PIWIL1: variants seen among roughly 807,000 people sequenced by gnomAD.
PIWIL1 encodes the protein piwi like RNA-mediated gene silencing 1.
Under a neutral mutation model 114.4 loss-of-function variants are expected in PIWIL1, and 73 were observed. That is an observed-to-expected ratio of 0.64 (90% CI 0.53 to 0.78). The LOEUF is 0.78. Ranked by LOEUF, PIWIL1 falls within the 30% of genes least tolerant of loss-of-function variation. The probability of loss-of-function intolerance (pLI) is 0.00; values close to 1 mark genes in which losing one functional copy is unlikely to be tolerated. For missense variants in PIWIL1, 723 were observed against 1,063.1 expected, an observed-to-expected ratio of 0.68 and a Z score of 4.45; for synonymous variants, 375 against 369.0, an observed-to-expected ratio of 1.02 and a Z score of -0.19.
At chr12:130,368,232 G>A (rs1349608028) in intron 19 of PIWIL1, among the ~76,000 whole-genome samples, 1 of 152,184 alleles carries the variant, frequency 6.6e-6, no homozygotes, top group Non-Finnish European at 1.5e-5. Flanking sequence ...CGAATCGTTG[G>A]GAGGACTTCT....
downstream of PIWIL1, among the ~76,000 whole-genome samples, chr12:130,374,362 T>C (rs187564852): frequency 6.6e-6 from 1 of 152,364 alleles, no homozygotes; most frequent in East Asian, 1.9e-4. Context: ...GTTTGTGTAA[T>C]TGGTATTGTC....
At chr12:130,422,659 A>T in the PIWIL1 span, 2 of 819,092 alleles carry the variant, frequency 2.4e-6, no homozygotes, top group Admixed American at 2.3e-5. The surrounding 1 kb of genome is among the most constrained non-coding windows in gnomAD (Gnocchi z 5.2). Context: ...CAGAATCTGT[A>T]AAGGCAACTA....
chr12:130,409,677 T>C, the PIWIL1 span, among the ~76,000 whole-genome samples: 21 of 152,252 alleles, frequency 1.4e-4, no homozygotes, highest in Admixed American at 2.6e-4. Flanking sequence ...TTCTTTCATC[T>C]GGATGACGCC....
chr12:130,361,474 A>G (rs1389196940), intron 15 of PIWIL1, 24 bp from the exon 16 acceptor site: 55 of 1,612,386 alleles, frequency 3.4e-5, no homozygotes, highest in Non-Finnish European at 4.5e-5. Context: ...CATTGTATCT[A>G]AAATTACCAT....
chr12:130,375,401 ACACCAC>A (rs908257521), downstream of PIWIL1, among the ~76,000 whole-genome samples: 1 of 152,016 alleles, frequency 6.6e-6, no homozygotes, highest in Admixed American at 6.6e-5. Flanking sequence ...TTGTCTCCTT[ACACCAC>A]CACCACCACC....
chr12:130,373,901 A>G (rs1643280728), downstream of PIWIL1, among the ~76,000 whole-genome samples: 1 of 152,170 alleles, frequency 6.6e-6, no homozygotes, highest in South Asian at 2.1e-4. Context: ...ACTCCGTGAA[A>G]TCCCAATTTC....
downstream of PIWIL1, among the ~76,000 whole-genome samples, chr12:130,376,199 C>G (rs1357970775): frequency 6.6e-6 from 1 of 152,192 alleles, no homozygotes; most frequent in Non-Finnish European, 1.5e-5. Flanking sequence ...ACTTCTTGGT[C>G]TCGGAACTGC....
Position 130,349,381 on chromosome 12 carries a change from C to G in PIWIL1, c.877C>G (p.His293Asp). Residue 293 changes from histidine (H) to aspartate (D), a missense_variant, in exon 8 of 21, where the codon CAT becomes GAT. Coordinates refer to ENST00000245255, the MANE Select transcript of PIWIL1 (RefSeq NM_004764.5). ...CAACTTTTATCATCAGACAGAAGAA[C>G]ATAAATTTCAAGAACAAGTTTCCAA... ...MFNFYHQTEEHKFQEQVSKEL... is the reference protein window; with the variant it reads ...MFNFYHQTEEDKFQEQVSKEL... 1.9e-6 allele frequency: 3 copies of G among 1,613,566 alleles called. No homozygotes were observed. Among genetic ancestry groups the G allele is most frequent in the Non-Finnish European group, 2.5e-6 (3 of 1,179,536 alleles).
intron 18 of PIWIL1, chr12:130,366,486 T>C (rs1011534021): frequency 1.3e-5 from 2 of 152,306 alleles, no homozygotes; most frequent in African/African-American, 4.8e-5. Flanking sequence ...GCCTGAAGAA[T>C]CCAGGTGGGG....
the PIWIL1 span, among the ~76,000 whole-genome samples, chr12:130,406,932 C>CA: frequency 6.6e-6 from 1 of 152,214 alleles, no homozygotes; most frequent in East Asian, 1.9e-4. Flanking sequence ...TAAGCCACCG[C>CA]ACCCAGCCTA....
chr12:130,346,002 CTTT>C, intron 4 of PIWIL1, 124 bp downstream of exon 4: 1 of 697,560 alleles, frequency 1.4e-6, no homozygotes, highest in Non-Finnish European at 2.1e-6. Context: ...ATTTTCCTCA[CTTT>C]CTTTTGGCGT....
chr12:130,366,994 C>T, intron 18 of PIWIL1, 139 bp from the exon 19 acceptor site: 1 of 963,396 alleles, frequency 1.0e-6, no homozygotes, highest in Middle Eastern at 2.8e-4. Flanking sequence ...AGATCCTGAT[C>T]CTTCTCCACA....
chr12:130,378,058 G>A, the PIWIL1 span, among the ~76,000 whole-genome samples: 57,918 of 152,136 alleles, frequency 0.38, 13,237 homozygotes, highest in Non-Finnish European at 0.51. Flanking sequence ...TGAATACAGT[G>A]TAATGAGTTT....
intron 18 of PIWIL1, among the ~76,000 whole-genome samples, chr12:130,366,099 A>G (rs2073648140): frequency 6.6e-6 from 1 of 152,216 alleles, no homozygotes; most frequent in Non-Finnish European, 1.5e-5. Flanking sequence ...GCTTCCCAGC[A>G]TTGGAAATCA....
At chr12:130,391,938 C>A in the PIWIL1 span, among the ~76,000 whole-genome samples, 1 of 152,270 alleles carries the variant, frequency 6.6e-6, no homozygotes, top group Non-Finnish European at 1.5e-5. Flanking sequence ...ATGTGATGAC[C>A]CGGTCACTGT....
the PIWIL1 span, among the ~76,000 whole-genome samples, chr12:130,385,005 C>G: frequency 6.6e-6 from 1 of 152,168 alleles, no homozygotes; most frequent in Admixed American, 6.5e-5. Flanking sequence ...CACAACATCT[C>G]TTTTTCGGTA....
intron 19 of PIWIL1, among the ~76,000 whole-genome samples, chr12:130,370,356 G>GA (rs1226010462): frequency 6.6e-6 from 1 of 151,868 alleles, no homozygotes; most frequent in Non-Finnish European, 1.5e-5. Context: ...AAAATACTTG[G>GA]AAAAAAGTCT....
In PIWIL1 at chr12:130,371,721, T is replaced by G; in HGVS notation, c.*123T>G. The G allele has an allele frequency of 1.8e-6, 1 of 556,504 alleles. No individual in the cohort carries two copies. The highest frequency in any genetic ancestry group is 3.3e-5 in the South Asian group (1 of 30,394). The allele number at this position is 556,504 out of a possible 1,614,324, so 34.5% of individuals were successfully genotyped here. On this transcript the variant is annotated 3_prime_UTR_variant, in exon 21 of 21. Transcript: ENST00000245255. Reference sequence around the variant, plus strand: ...GAAACTTGGGAAGGGGATTAGGAGATCTAGCATTTTATTTCTAGCATTGCT... The same window carrying G: ...GAAACTTGGGAAGGGGATTAGGAGAGCTAGCATTTTATTTCTAGCATTGCT...
intron 7 of PIWIL1, among the ~76,000 whole-genome samples, chr12:130,348,680 ATCACGAGG>A (rs1283241732): frequency 6.6e-6 from 1 of 152,138 alleles, no homozygotes; most frequent in Non-Finnish European, 1.5e-5. Flanking sequence ...AGGCGGGTGG[ATCACGAGG>A]TCAGGAGTTC....
Sources: gnomAD v4.1 joint callset for allele counts (sites outside exome capture counted in the v4.1 genomes callset) on GRCh38, gnomAD v4.1.1 for gene constraint, Gnocchi (gnomAD v3.1) non-coding constraint, MANE v1.5 for transcripts, NCBI Gene and HGNC (gene_info 2026-07-23, HGNC 2026-07-21) for gene names.